The following ZNF385B variants were observed in gnomAD, a reference collection of about 807,000 sequenced individuals.
ZNF385B encodes zinc finger protein 385B.
Under a neutral mutation model 39.2 loss-of-function variants are expected in ZNF385B, and 23 were observed. That is an observed-to-expected ratio of 0.59 (90% CI 0.42 to 0.83). The LOEUF is 0.83. ZNF385B is among the 40% of genes least tolerant of loss of function. The probability of loss-of-function intolerance (pLI) is 0.00; values close to 1 mark genes in which losing one functional copy is unlikely to be tolerated. For synonymous variants in ZNF385B, 205 were observed against 222.6 expected (o/e 0.92, Z 0.70); for missense variants, 552 against 598.9 (o/e 0.92, Z 0.82).
chr2:179,715,537 G>A (rs987741740), intron 3 of ZNF385B, among the ~76,000 whole-genome samples: 2 of 152,144 alleles, frequency 1.3e-5, no homozygotes, highest in African/African-American at 4.8e-5. Context: ...AAGAATGTAT[G>A]CTAATGAATA....
intron 3 of ZNF385B, among the ~76,000 whole-genome samples, chr2:179,727,282 C>T (rs1701084008): frequency 6.6e-6 from 1 of 151,966 alleles, no homozygotes; most frequent in African/African-American, 2.4e-5. Context: ...GGAAATCCAT[C>T]AGTTTCAGCT....
At chr2:179,736,915 A>C (rs980573751) in intron 3 of ZNF385B, among the ~76,000 whole-genome samples, 5 of 152,222 alleles carry the variant, frequency 3.3e-5, no homozygotes, top group African/African-American at 1.2e-4. Context: ...ACTTGGAGTG[A>C]GCAGAGATCA....
chr2:179,627,360 A>G (rs1690753177), intron 3 of ZNF385B, among the ~76,000 whole-genome samples: 1 of 152,210 alleles, frequency 6.6e-6, no homozygotes, highest in Non-Finnish European at 1.5e-5. Context: ...CACTCATTGC[A>G]ACTGGAACCA....
chr2:179,771,918 C>A (rs1360492361), intron 1 of ZNF385B, among the ~76,000 whole-genome samples: 1 of 152,138 alleles, frequency 6.6e-6, no homozygotes, highest in African/African-American at 2.4e-5. Flanking sequence ...CGTACTCAAT[C>A]ATTGAAACCT....
intron 3 of ZNF385B, among the ~76,000 whole-genome samples, chr2:179,679,725 C>A (rs1031380877): frequency 6.6e-6 from 1 of 152,054 alleles, no homozygotes; most frequent in Non-Finnish European, 1.5e-5. Flanking sequence ...AGGTGAATCA[C>A]CTCCCACCCC....
chr2:179,679,160 T>C (rs1383195205), intron 3 of ZNF385B, among the ~76,000 whole-genome samples: 1 of 152,186 alleles, frequency 6.6e-6, no homozygotes, highest in Non-Finnish European at 1.5e-5. Flanking sequence ...CACCAGTCAA[T>C]GACAGAATGA....
intron 5 of ZNF385B, among the ~76,000 whole-genome samples, chr2:179,490,322 C>A (rs905710688): frequency 2.2e-4 from 33 of 151,960 alleles, no homozygotes; most frequent in Non-Finnish European, 4.4e-4. Context: ...CACAAACACA[C>A]ACACACACAC....
intron 3 of ZNF385B, among the ~76,000 whole-genome samples, chr2:179,742,951 C>G (rs1036426385): frequency 6.6e-6 from 1 of 152,018 alleles, no homozygotes; most frequent in Non-Finnish European, 1.5e-5. Flanking sequence ...ATAAATCCTA[C>G]TACTTCTGAA....
At chr2:179,452,057 T>C (rs2050203391) in intron 6 of ZNF385B, among the ~76,000 whole-genome samples, 1 of 152,124 alleles carries the variant, frequency 6.6e-6, no homozygotes, top group African/African-American at 2.4e-5. Flanking sequence ...CTCAAACACA[T>C]TTAGAAGGCT....
chr2:179,723,636 GA>G (rs1700826658), intron 3 of ZNF385B, among the ~76,000 whole-genome samples: 1 of 152,030 alleles, frequency 6.6e-6, no homozygotes, highest in Admixed American at 6.6e-5. Flanking sequence ...GTAAACTAAA[GA>G]AAAGCAAGAG....
At chr2:179,461,091 G>A (rs1369072782) in intron 6 of ZNF385B, among the ~76,000 whole-genome samples, 1 of 152,120 alleles carries the variant, frequency 6.6e-6, no homozygotes, top group Non-Finnish European at 1.5e-5. Context: ...AAACCTTGAA[G>A]CGGGAACAAA....
intron 5 of ZNF385B, among the ~76,000 whole-genome samples, chr2:179,503,246 A>G (rs538554613): frequency 2.8e-4 from 43 of 152,280 alleles, no homozygotes; most frequent in African/African-American, 1.0e-3. Flanking sequence ...TGATTGAAAA[A>G]GTGGTTCTGC....
chr2:179,453,390 G>A (rs1351033379), intron 6 of ZNF385B, among the ~76,000 whole-genome samples: 1 of 152,102 alleles, frequency 6.6e-6, no homozygotes, highest in East Asian at 1.9e-4. Flanking sequence ...AACTGGTCCA[G>A]CTGCCAGCAC....
chr2:179,475,547 G>A (rs2053320757), intron 6 of ZNF385B, among the ~76,000 whole-genome samples: 1 of 151,566 alleles, frequency 6.6e-6, no homozygotes, highest in Non-Finnish European at 1.5e-5. Context: ...ACCATGCCTG[G>A]CCCACACAAT....
intron 3 of ZNF385B, among the ~76,000 whole-genome samples, chr2:179,706,010 A>G (rs1179599805): frequency 1.3e-5 from 2 of 152,180 alleles, no homozygotes; most frequent in Non-Finnish European, 2.9e-5. Context: ...TTCATTGTAC[A>G]GCAGATGCTC....
intron 3 of ZNF385B, among the ~76,000 whole-genome samples, chr2:179,767,408 C>T (rs942623660): frequency 3.9e-5 from 6 of 152,088 alleles, no homozygotes; most frequent in African/African-American, 1.4e-4. Context: ...GCTCATGTGC[C>T]CAGCCCTCCA....
chr2:179,771,811 C>T (rs1704028334), intron 1 of ZNF385B, among the ~76,000 whole-genome samples: 1 of 152,116 alleles, frequency 6.6e-6, no homozygotes, highest in South Asian at 2.1e-4. Context: ...AAAATAAGCT[C>T]ATTACTAACA....
chr2:179,445,809 A>C (rs752134867), intron 7 of ZNF385B, 81 bp from the exon 8 acceptor site: 34 of 1,312,844 alleles, frequency 2.6e-5, no homozygotes, highest in Non-Finnish European at 3.1e-5. Context: ...TGAGAAGTTT[A>C]CCTGCAGGCT....
chr2:179,752,952 T>A (rs191996182), intron 3 of ZNF385B, among the ~76,000 whole-genome samples: 1 of 152,234 alleles, frequency 6.6e-6, no homozygotes, highest in African/African-American at 2.4e-5. Context: ...ATCCCATTTG[T>A]CAATTCTGGC....
Sources: gnomAD v4.1 joint callset for allele counts (sites outside exome capture counted in the v4.1 genomes callset) on GRCh38, gnomAD v4.1.1 for gene constraint, MANE v1.5 for transcripts, NCBI Gene and HGNC (gene_info 2026-07-23, HGNC 2026-07-21) for gene names.